The following SCAPER variants were observed in gnomAD, a reference collection of about 807,000 sequenced individuals.
SCAPER encodes the protein S-phase cyclin A associated protein in the ER, also known as S phase cyclin A-associated protein in the endoplasmic reticulum.
In SCAPER, 98 loss-of-function variants were observed where a neutral mutation model predicts 182.2. The observed-to-expected ratio is 0.54, with a 90% confidence interval of 0.46 to 0.64. SCAPER has a LOEUF of 0.64. SCAPER is among the 30% of genes least tolerant of loss of function. SCAPER has a pLI of 0.00. For synonymous variants in SCAPER, 605 were observed against 564.6 expected, an observed-to-expected ratio of 1.07 and a Z score of -1.01; for missense variants, 1,432 against 1,690.0, an observed-to-expected ratio of 0.85 and a Z score of 2.68.
rs2049997983 is a variant in SCAPER, at chr15:76,602,474, A to G, written c.2711+19290T>C. Among the ~76,000 whole-genome samples the G allele has an allele frequency of 2.5e-5, 3 of 120,276 alleles. 1 individual carries two copies. The highest frequency in any genetic ancestry group is 6.1e-5 in the Non-Finnish European group (3 of 49,560). 78.9% of individuals were successfully genotyped at this position (120,276 alleles called of 152,430 possible). On this transcript the variant is annotated intron_variant, in intron 22 of 31. Transcript: ENST00000563290. ...CCCCTTTGGTCTTTCAGGATTTTTC[A>G]TTTCTCTTTGATTTACTGCAATTTG...
At chr15:76,447,248 T>C (rs756803608) in intron 25 of SCAPER, among the ~76,000 whole-genome samples, 4 of 152,204 alleles carry the variant, frequency 2.6e-5, no homozygotes, top group Non-Finnish European at 5.9e-5. Context: ...CATGCTTCTT[T>C]TCCTCATCCT....
At chr15:76,875,577 G>C (rs1181571874) in intron 2 of SCAPER, among the ~76,000 whole-genome samples, 1 of 152,184 alleles carries the variant, frequency 6.6e-6, no homozygotes, top group African/African-American at 2.4e-5. Context: ...TGGGAGGCGA[G>C]GGTTGCAGTG....
At chr15:76,855,457 C>CAAAAAAAAAAA (rs34226154) in intron 4 of SCAPER, among the ~76,000 whole-genome samples, 3 of 116,326 alleles carry the variant, frequency 2.6e-5, no homozygotes, top group African/African-American at 3.7e-5. Context: ...TTCTGCACAG[C>CAAAAAAAAAAA]AAAAAAAAAA....
At chr15:76,508,574 T>G (rs2041780457) in intron 23 of SCAPER, among the ~76,000 whole-genome samples, 1 of 152,216 alleles carries the variant, frequency 6.6e-6, no homozygotes, top group African/African-American at 2.4e-5. Flanking sequence ...TTTACCAGTC[T>G]TTTTAACTTT....
chr15:76,487,014 C>T (rs945897962), intron 24 of SCAPER, among the ~76,000 whole-genome samples: 11 of 152,102 alleles, frequency 7.2e-5, no homozygotes, highest in East Asian at 1.9e-4. Flanking sequence ...TAAAAAAGAA[C>T]GAGATCATGT....
chr15:76,729,431 T>C (rs1356965076), intron 16 of SCAPER, among the ~76,000 whole-genome samples: 1 of 152,088 alleles, frequency 6.6e-6, no homozygotes, highest in Non-Finnish European at 1.5e-5. Context: ...TGTGTTAATA[T>C]ATGGTTATAG....
chr15:76,705,853 C>T, intron 18 of SCAPER, 50 bp downstream of exon 18: 1 of 1,255,336 alleles, frequency 8.0e-7, no homozygotes. Flanking sequence ...TGATCTCATG[C>T]TCCACTGTAA....
intron 8 of SCAPER, among the ~76,000 whole-genome samples, chr15:76,780,327 G>C (rs992549344): frequency 6.6e-6 from 1 of 152,246 alleles, no homozygotes; most frequent in Non-Finnish European, 1.5e-5. Flanking sequence ...GCAGGGGGAG[G>C]GGCATCCGCC....
At chr15:76,718,609 C>T (rs1206397432) in intron 17 of SCAPER, among the ~76,000 whole-genome samples, 1 of 151,362 alleles carries the variant, frequency 6.6e-6, no homozygotes, top group African/African-American at 2.4e-5. Context: ...CCACTTCACT[C>T]CAGCCTGGAC....
intron 1 of SCAPER, among the ~76,000 whole-genome samples, chr15:76,896,391 T>A (rs1014715540): frequency 1.3e-5 from 2 of 152,010 alleles, no homozygotes; most frequent in South Asian, 4.2e-4. Context: ...ACAAAAATAA[T>A]AGTAATAAAA....
At chr15:76,878,531 A>G (rs1019301055) in intron 2 of SCAPER, among the ~76,000 whole-genome samples, 5 of 152,202 alleles carry the variant, frequency 3.3e-5, no homozygotes, top group African/African-American at 1.2e-4. Context: ...AGATGGTATT[A>G]AAAAATGAAA....
At chr15:76,852,632 T>TGAAACTAATGA (rs1274128883) in intron 4 of SCAPER, among the ~76,000 whole-genome samples, 1 of 152,174 alleles carries the variant, frequency 6.6e-6, no homozygotes, top group Non-Finnish European at 1.5e-5. Context: ...AGGAGTTCTT[T>TGAAACTAATGA]GAAACTAATG....
chr15:76,845,496 TAAAC>T (rs766747561), intron 4 of SCAPER, among the ~76,000 whole-genome samples: 5 of 151,834 alleles, frequency 3.3e-5, no homozygotes, highest in African/African-American at 4.8e-5. Flanking sequence ...TTAGAACTGA[TAAAC>T]AAATTCAGTG....
At chr15:76,839,934 T>C (rs1047089784) in intron 5 of SCAPER, among the ~76,000 whole-genome samples, 5 of 152,216 alleles carry the variant, frequency 3.3e-5, no homozygotes, top group Non-Finnish European at 5.9e-5. Flanking sequence ...TCATTTGTTA[T>C]TTTTAAACAA....
At chr15:76,780,954 T>C (rs1032774429) in intron 8 of SCAPER, among the ~76,000 whole-genome samples, 1 of 151,752 alleles carries the variant, frequency 6.6e-6, no homozygotes, top group African/African-American at 2.4e-5. Flanking sequence ...AAGCTGAAAA[T>C]TCTAAAAACC....
chr15:76,813,283 A>G (rs2151595339), intron 5 of SCAPER, among the ~76,000 whole-genome samples: 1 of 150,188 alleles, frequency 6.7e-6, no homozygotes, highest in African/African-American at 2.5e-5. Flanking sequence ...TATAGAAGGA[A>G]ATTTCCTCAA....
At chr15:76,788,884 C>G (rs956523185) in intron 8 of SCAPER, among the ~76,000 whole-genome samples, 1 of 152,134 alleles carries the variant, frequency 6.6e-6, no homozygotes, top group Non-Finnish European at 1.5e-5. Context: ...GTTGCCCAGA[C>G]TAGTACCCAT....
At chr15:76,515,804 A>G (rs187248681) in intron 23 of SCAPER, among the ~76,000 whole-genome samples, 35 of 152,346 alleles carry the variant, frequency 2.3e-4, no homozygotes, top group Non-Finnish European at 4.1e-4. Context: ...GTGTTCAATA[A>G]ATATTTGCTG....
intron 5 of SCAPER, among the ~76,000 whole-genome samples, chr15:76,837,036 C>T (rs2069014926): frequency 1.3e-5 from 2 of 152,012 alleles, no homozygotes; most frequent in Admixed American, 1.3e-4. Flanking sequence ...AAAAAATAGA[C>T]AAGTGGGACA....
Sources: allele counts gnomAD v4.1 joint callset (sites outside exome capture counted in the v4.1 genomes callset), GRCh38; gene constraint gnomAD v4.1.1; transcripts MANE v1.5; gene names NCBI Gene and HGNC (gene_info 2026-07-23, HGNC 2026-07-21).